RBMS3: variants seen among roughly 807,000 people sequenced by gnomAD.
The protein encoded by RBMS3 is RNA-binding motif, single-stranded-interacting protein 3.
In RBMS3, 27 loss-of-function variants were observed where a neutral mutation model predicts 66.8. The observed-to-expected ratio is 0.40, with a 90% CI of 0.30 to 0.56. The LOEUF (loss-of-function observed/expected upper bound fraction) is 0.56. Among genes scored for constraint, RBMS3 ranks in the 20% least tolerant of loss-of-function variants. RBMS3 has a pLI of 0.40. For synonymous variants in RBMS3, 188 were observed against 183.0 expected, an observed-to-expected ratio of 1.03 and a Z score of -0.22; for missense variants, 513 against 549.5, an observed-to-expected ratio of 0.93 and a Z score of 0.66.
At chr3:29,320,880 G>A (rs375000444) in intron 1 of RBMS3, among the ~76,000 whole-genome samples, 36 of 151,700 alleles carry the variant, frequency 2.4e-4, no homozygotes, top group East Asian at 2.3e-3. Flanking sequence ...TTTGAAGTCA[G>A]AGAGGACAAA....
At chr3:29,419,453 C>T (rs1316914234) in intron 1 of RBMS3, among the ~76,000 whole-genome samples, 2 of 152,152 alleles carry the variant, frequency 1.3e-5, no homozygotes, top group East Asian at 3.9e-4. Flanking sequence ...TTATCAATTA[C>T]CTGAGAATTA....
At chr3:29,606,118 G>A (rs1412331841) in intron 4 of RBMS3, among the ~76,000 whole-genome samples, 1 of 151,706 alleles carries the variant, frequency 6.6e-6, no homozygotes, top group East Asian at 1.9e-4. Context: ...TGAGGTTGCA[G>A]ATTGTCTATT....
intron 2 of RBMS3, among the ~76,000 whole-genome samples, chr3:29,445,864 G>A (rs1454242285): frequency 6.6e-6 from 1 of 151,972 alleles, no homozygotes; most frequent in South Asian, 2.1e-4. Flanking sequence ...TGTTTTACAC[G>A]GTAAATATGT....
At chr3:29,874,320 T>C (rs3773111) in intron 7 of RBMS3, among the ~76,000 whole-genome samples, 11,593 of 152,096 alleles carry the variant, frequency 0.076, 856 homozygotes, top group African/African-American at 0.19. Flanking sequence ...TCCTAGAAAA[T>C]AGTATATCTA....
chr3:29,858,453 T>A (rs2059134531), intron 6 of RBMS3, among the ~76,000 whole-genome samples: 1 of 152,170 alleles, frequency 6.6e-6, no homozygotes, highest in Admixed American at 6.5e-5. Flanking sequence ...TTCTTCTAAT[T>A]TCAAAGGTGC....
chr3:29,481,150 T>A (rs2125819046), intron 2 of RBMS3, among the ~76,000 whole-genome samples: 1 of 152,298 alleles, frequency 6.6e-6, no homozygotes, highest in Middle Eastern at 3.4e-3. Context: ...TTGCAATGAC[T>A]AACATGAGTT....
intron 4 of RBMS3, among the ~76,000 whole-genome samples, chr3:29,701,965 G>A (rs997339889): frequency 7.2e-5 from 11 of 152,330 alleles, no homozygotes; most frequent in South Asian, 4.1e-4. Flanking sequence ...GCCCGCGGCC[G>A]TGGCGCGGGA....
intron 4 of RBMS3, among the ~76,000 whole-genome samples, chr3:29,694,277 A>G (rs1198035884): frequency 6.6e-6 from 1 of 152,146 alleles, no homozygotes; most frequent in Admixed American, 6.5e-5. Flanking sequence ...TTTTCACCCA[A>G]GTCTGGAACT....
intron 1 of RBMS3, among the ~76,000 whole-genome samples, chr3:29,316,535 A>G (rs2034687313): frequency 1.3e-5 from 2 of 151,658 alleles, no homozygotes; most frequent in African/African-American, 4.8e-5. Context: ...CTTGCTATGT[A>G]TACACTTTCC....
At chr3:29,798,771 T>A (rs2057296085) in intron 6 of RBMS3, among the ~76,000 whole-genome samples, 1 of 152,198 alleles carries the variant, frequency 6.6e-6, no homozygotes, top group African/African-American at 2.4e-5. Flanking sequence ...ATATCCATAA[T>A]AACCACATCT....
intron 12 of RBMS3, among the ~76,000 whole-genome samples, chr3:29,962,683 G>A (rs772774367): frequency 6.6e-6 from 1 of 151,730 alleles, no homozygotes; most frequent in African/African-American, 2.4e-5. Context: ...CAGCTAAGAG[G>A]ATTACATCTT....
At position 29,779,151 on chromosome 3, in the gene RBMS3, A is replaced by G. The variant is rs2056529780; in HGVS notation, c.637+16162A>G. ...TGACCCAAGCCATGAACTTGGTTTT[A>G]ACACTGATTTTTAATAAGTGGTTCT... On this transcript the variant is annotated intron_variant, in intron 6 of 14. Coordinates refer to ENST00000383767, the MANE Select transcript of RBMS3 (RefSeq NM_001003793.3). Among the ~76,000 whole-genome samples the G allele has an allele frequency of 2.0e-5, 3 of 151,956 alleles. 1 individual carries two copies. In the South Asian group the frequency reaches 6.2e-4, roughly 32 times the overall value.
At chr3:29,738,397 T>C (rs2054474082) in intron 4 of RBMS3, among the ~76,000 whole-genome samples, 1 of 152,218 alleles carries the variant, frequency 6.6e-6, no homozygotes, top group Admixed American at 6.5e-5. Context: ...TTGATATTAA[T>C]GACTAATCTG....
At chr3:29,569,418 A>AG (rs2046862685) in intron 3 of RBMS3, among the ~76,000 whole-genome samples, 1 of 152,138 alleles carries the variant, frequency 6.6e-6, no homozygotes, top group Admixed American at 6.6e-5. Flanking sequence ...TGGAGACAAC[A>AG]TATCTTTGTT....
At chr3:29,658,131 A>T (rs1241095198) in intron 4 of RBMS3, among the ~76,000 whole-genome samples, 1 of 152,176 alleles carries the variant, frequency 6.6e-6, no homozygotes, top group Non-Finnish European at 1.5e-5. Context: ...TTGTAAAGGG[A>T]AGATAATAAA....
In RBMS3 at chr3:29,281,440, T is replaced by C; in HGVS notation, c.-242T>C. 1.9e-6 allele frequency: 1 copy of C among 533,530 alleles called. No individual in the cohort carries two copies. Among genetic ancestry groups the C allele is most frequent in the Non-Finnish European group, 3.3e-6 (1 of 305,860 alleles). 33.0% of individuals were successfully genotyped at this position (533,530 alleles called of 1,614,324 possible). On this transcript the variant is annotated 5_prime_UTR_variant, in exon 1 of 15. Transcript: ENST00000383767. ...CCAGGCAAGATCTGGGAAGGCTGTGTGTGGGTGTTTTTTCTACAGATCTCA... is the reference window on the plus strand; with the variant it reads ...CCAGGCAAGATCTGGGAAGGCTGTGCGTGGGTGTTTTTTCTACAGATCTCA...
chr3:29,309,000 G>C (rs2034205572), intron 1 of RBMS3, among the ~76,000 whole-genome samples: 1 of 151,730 alleles, frequency 6.6e-6, no homozygotes, highest in South Asian at 2.1e-4. Flanking sequence ...AGAACTTGGA[G>C]ACAAGTCAGA....
intron 5 of RBMS3, among the ~76,000 whole-genome samples, chr3:29,761,465 G>A (rs1266187395): frequency 6.6e-6 from 1 of 151,976 alleles, no homozygotes; most frequent in African/African-American, 2.4e-5. Flanking sequence ...CTACCACATT[G>A]TAATAAGGAC....
intron 3 of RBMS3, among the ~76,000 whole-genome samples, chr3:29,577,269 G>A (rs2047152393): frequency 6.6e-6 from 1 of 152,190 alleles, no homozygotes; most frequent in Non-Finnish European, 1.5e-5. Flanking sequence ...CGGCTGAGCT[G>A]GTATTCAAGA....
Sources: allele counts gnomAD v4.1 joint callset (sites outside exome capture counted in the v4.1 genomes callset), GRCh38; gene constraint gnomAD v4.1.1; transcripts MANE v1.5; gene names NCBI Gene and HGNC (gene_info 2026-07-23, HGNC 2026-07-21).